PIGN: variants seen among roughly 807,000 people sequenced by gnomAD.
PIGN encodes the protein GPI ethanolamine phosphate transferase 1.
In PIGN, 117 loss-of-function variants were observed where a neutral mutation model predicts 125.4. The ratio of observed to expected loss-of-function variants is 0.93; its 90% CI spans 0.80 to 1.09. The LOEUF is 1.09. Ranked by LOEUF, PIGN falls within the 50% of genes least tolerant of loss-of-function variation. The pLI is 0.00. For synonymous variants in PIGN, 392 were observed against 377.8 expected, an observed-to-expected ratio of 1.04 and a Z score of -0.44; for missense variants, 1,075 against 1,094.9, an observed-to-expected ratio of 0.98 and a Z score of 0.26.
At chr18:62,176,033 C>T (rs966918192) in intron 1 of PIGN, among the ~76,000 whole-genome samples, 2 of 151,924 alleles carry the variant, frequency 1.3e-5, no homozygotes, top group Non-Finnish European at 2.9e-5. Flanking sequence ...AAGAAATGAA[C>T]AAGAAGTTTC....
At chr18:62,124,538 A>G (rs1433299055) in intron 14 of PIGN, among the ~76,000 whole-genome samples, 3 of 152,160 alleles carry the variant, frequency 2.0e-5, no homozygotes, top group African/African-American at 7.2e-5. Flanking sequence ...CCCACAACTC[A>G]CAGGTACCTG....
Position 62,154,386 on chromosome 18 carries a change from GA to G in PIGN, c.549+158del, listed in dbSNP as rs1480368869. ...GTTTAAAACTTCTCTTATTTATTTA[GA>G]ATGTGTAATTTTTTAGAATTAAATC... On this transcript the variant is annotated intron_variant, in intron 7 of 30. Transcript: ENST00000640252. The G allele has an allele frequency of 7.8e-6, 4 of 515,252 alleles. No individual in the cohort carries two copies. The African/African-American group carries it at 8.1e-5, about 10-fold the overall frequency. The allele number at this position is 515,252 out of a possible 1,614,324, so 31.9% of individuals were successfully genotyped here. A position where few individuals can be genotyped will look rare whatever the true frequency, so the allele number is the denominator to read the frequency against.
At chr18:62,151,488 A>G (rs1227002368) in intron 7 of PIGN, among the ~76,000 whole-genome samples, 1 of 152,184 alleles carries the variant, frequency 6.6e-6, no homozygotes, top group African/African-American at 2.4e-5. Flanking sequence ...TCGGATAGGT[A>G]TGTGTACAAC....
chr18:62,147,753 C>T (rs7240855), intron 8 of PIGN, among the ~76,000 whole-genome samples: 88,671 of 151,956 alleles, frequency 0.58, 26,628 homozygotes, highest in East Asian at 0.75. Context: ...TACTTGCTGT[C>T]ATATATAAGG....
At chr18:62,078,582 G>A (rs571432577) in intron 28 of PIGN, among the ~76,000 whole-genome samples, 1 of 152,148 alleles carries the variant, frequency 6.6e-6, no homozygotes, top group East Asian at 1.9e-4. Flanking sequence ...GCTCAAATGC[G>A]AAGGCATAAA....
At chr18:62,112,910 C>T (rs2146569485) in intron 16 of PIGN, 1 of 475,492 alleles carries the variant, frequency 2.1e-6, no homozygotes, top group East Asian at 3.2e-5. Flanking sequence ...ACACCTCTAT[C>T]TTTATAGCTT....
chr18:62,138,188 A>G (rs2036003401), intron 14 of PIGN, 55 bp downstream of exon 14: 10 of 1,536,242 alleles, frequency 6.5e-6, no homozygotes, highest in Non-Finnish European at 8.8e-6. Context: ...GAAAAATTGC[A>G]AACTCAGTGG....
intron 28 of PIGN, chr18:62,076,133 A>C (rs1331020513): frequency 6.6e-6 from 1 of 152,080 alleles, no homozygotes; most frequent in Non-Finnish European, 1.5e-5. Flanking sequence ...ACGGGGTTAC[A>C]CCATGTTGGT....
Position 62,113,226 on chromosome 18 carries a change from CA to C in PIGN, c.1341del (p.Val448LeufsTer14). Reference protein sequence around the residue: ...TYDRFFLGVNVVIGFVGWISY... With the variant: ...TYDRFFLGVNXVIGFVGWISY... The stretch of plus-strand genomic sequence containing the variant: ...GATATCCATCCCACAAAACCAATAA[CA>C]ACATTGACGCCCAAAAAGAATCTGT... On this transcript the variant is annotated frameshift_variant, in exon 16 of 31. Transcript: ENST00000640252. LOFTEE classifies it high-confidence loss of function. The C allele has an allele frequency of 6.2e-7, 1 of 1,612,978 alleles. No individual in the cohort carries two copies. The highest frequency in any genetic ancestry group is 8.5e-7 in the Non-Finnish European group (1 of 1,179,354).
chr18:62,152,850 G>GCA (rs1470688021), intron 7 of PIGN, among the ~76,000 whole-genome samples: 1 of 125,078 alleles, frequency 8.0e-6, no homozygotes, highest in Non-Finnish European at 1.6e-5. Context: ...TCTGTATTTT[G>GCA]CATATATATA....
intron 23 of PIGN, among the ~76,000 whole-genome samples, chr18:62,035,652 A>G (rs2030250154): frequency 6.6e-6 from 1 of 152,016 alleles, no homozygotes; most frequent in Non-Finnish European, 1.5e-5. Context: ...CATTAGGTAT[A>G]TCTCCTAATG....
chr18:62,062,795 C>G (rs1469189049), intron 30 of PIGN, among the ~76,000 whole-genome samples: 1 of 150,714 alleles, frequency 6.6e-6, no homozygotes, highest in Non-Finnish European at 1.5e-5. Context: ...GTTATAAATG[C>G]ATTCTCTGCC....
chr18:62,154,617 AT>A lies in PIGN; in HGVS notation c.476del (p.Tyr159LeufsTer41). The A allele has an allele frequency of 6.3e-7, 1 of 1,580,684 alleles. No individual in the cohort carries two copies. The highest frequency in any genetic ancestry group is 8.7e-7 in the Non-Finnish European group (1 of 1,151,270). ...ASGDHVYTYS[Y>X]DAKREDFGAQ... ...CACCAAAATCCTCTCTTTTAGCATC[AT>A]AACTATATGTATAAACGTGGTCTCC... On this transcript the variant is annotated frameshift_variant, in exon 7 of 31. Coordinates refer to ENST00000640252, the MANE Select transcript of PIGN (RefSeq NM_176787.5). LOFTEE classifies it high-confidence loss of function.
chr18:62,075,558 G>A (rs1218893924), intron 28 of PIGN: 1 of 152,092 alleles, frequency 6.6e-6, no homozygotes, highest in African/African-American at 2.4e-5. Context: ...TCCATCATAT[G>A]GATATACAAT....
chr18:62,124,743 T>G (rs933279649), intron 14 of PIGN, among the ~76,000 whole-genome samples: 1 of 152,192 alleles, frequency 6.6e-6, no homozygotes, highest in African/African-American at 2.4e-5. Flanking sequence ...TTGAAATTTT[T>G]GTTGTGTTTC....
rs2144957387 is a variant in PIGN, at chr18:62,043,656, ATAAT to A, written c.*2196_*2199del. On this transcript the variant is annotated 3_prime_UTR_variant, in exon 31 of 31. Transcript: ENST00000640252. ...TTCTAAATACTGTACACTAAGTATA[ATAAT>A]TAACATATTGGAAAATGACAGACAA... 1 of 152,366 alleles carries A rather than the reference ATAAT, an allele frequency of 6.6e-6. No homozygotes were observed. The highest frequency in any genetic ancestry group is 2.1e-4 in the South Asian group (1 of 4,830). The allele number at this position is 152,366 out of a possible 1,614,324, so 9.4% of individuals were successfully genotyped here. A position where few individuals can be genotyped will look rare whatever the true frequency, so the allele number is the denominator to read the frequency against.
chr18:62,079,630 TGATGG>T (rs1330147321), intron 28 of PIGN, among the ~76,000 whole-genome samples: 1 of 150,944 alleles, frequency 6.6e-6, no homozygotes, highest in Non-Finnish European at 1.5e-5. Flanking sequence ...AACAAAATAA[TGATGG>T]AAGAAGCAAA....
intron 7 of PIGN, among the ~76,000 whole-genome samples, chr18:62,148,627 TAATAA>T (rs1271552501): frequency 2.0e-5 from 3 of 152,186 alleles, no homozygotes; most frequent in Non-Finnish European, 4.4e-5. Flanking sequence ...ACATCTAACT[TAATAA>T]AATACAGCAG....
chr18:62,131,219 T>G (rs551667109), intron 14 of PIGN, among the ~76,000 whole-genome samples: 1 of 152,156 alleles, frequency 6.6e-6, no homozygotes, highest in Non-Finnish European at 1.5e-5. Flanking sequence ...TTGTTAAAAT[T>G]TCTTTGTTTA....
Sources: gnomAD v4.1 joint callset for allele counts (sites outside exome capture counted in the v4.1 genomes callset) on GRCh38, gnomAD v4.1.1 for gene constraint, MANE v1.5 for transcripts, NCBI Gene and HGNC (gene_info 2026-07-23, HGNC 2026-07-21) for gene names.